The following MET variants were observed in gnomAD, a reference collection of about 807,000 sequenced individuals.
The protein encoded by MET is hepatocyte growth factor receptor.
In MET, 48 loss-of-function variants were observed where a neutral mutation model predicts 133.1. That is an observed-to-expected ratio of 0.36 (90% confidence interval 0.29 to 0.46). MET has a LOEUF of 0.46. Among genes scored for constraint, MET ranks in the 20% least tolerant of loss-of-function variants. The pLI, the probability that MET is intolerant of heterozygous loss-of-function variation, is 1.00. For synonymous variants in MET, 628 were observed against 616.5 expected, an observed-to-expected ratio of 1.02 and a Z score of -0.28; for missense variants, 1,442 against 1,695.9, an observed-to-expected ratio of 0.85 and a Z score of 2.63.
intron 18 of MET, 44 bp from the exon 19 acceptor site, chr7:116,783,260 T>G: frequency 6.2e-7 from 1 of 1,610,856 alleles, no homozygotes; most frequent in Non-Finnish European, 8.5e-7. Flanking sequence ...CATTGTAAAT[T>G]ATTCTATTTC....
intron 14 of MET, among the ~76,000 whole-genome samples, chr7:116,774,149 T>TAA (rs541167749): frequency 6.8e-6 from 1 of 147,216 alleles, no homozygotes; most frequent in Admixed American, 6.7e-5. Flanking sequence ...TCCCCTGAAA[T>TAA]AAAAAAAAAA....
chr7:116,706,721 C>T (rs1054182885), intron 2 of MET, among the ~76,000 whole-genome samples: 2 of 151,934 alleles, frequency 1.3e-5, no homozygotes, highest in Non-Finnish European at 2.9e-5. Context: ...CATGGGTTGG[C>T]ACAGACACTG....
intron 2 of MET, among the ~76,000 whole-genome samples, chr7:116,721,163 C>T (rs1291837610): frequency 6.6e-6 from 1 of 152,142 alleles, no homozygotes; most frequent in Non-Finnish European, 1.5e-5. Flanking sequence ...ACAATTTCAG[C>T]TCCTGTTATT....
intron 19 of MET, among the ~76,000 whole-genome samples, chr7:116,795,197 A>G (rs2117105105): frequency 1.3e-5 from 2 of 152,292 alleles, no homozygotes; most frequent in East Asian, 3.9e-4. Context: ...ATTTAATAGT[A>G]ACCTTTCAAT....
intron 10 of MET, among the ~76,000 whole-genome samples, chr7:116,761,968 A>G (rs1306867252): frequency 6.6e-6 from 1 of 152,214 alleles, no homozygotes; most frequent in Non-Finnish European, 1.5e-5. Flanking sequence ...TGTCAAAGAA[A>G]AGGAAATCTA....
intron 1 of MET, among the ~76,000 whole-genome samples, chr7:116,675,388 T>G (rs1227695316): frequency 1.3e-5 from 2 of 152,356 alleles, no homozygotes; most frequent in East Asian, 3.9e-4. Context: ...AGAAACGCTT[T>G]CAAAATCATC....
chr7:116,684,985 A>T (rs918488343), intron 1 of MET, among the ~76,000 whole-genome samples: 1 of 152,206 alleles, frequency 6.6e-6, no homozygotes, highest in African/African-American at 2.4e-5. Context: ...GAAGCCAATA[A>T]GGAGATGGAC....
At chr7:116,711,624 C>T (rs1792000547) in intron 2 of MET, among the ~76,000 whole-genome samples, 1 of 151,778 alleles carries the variant, frequency 6.6e-6, no homozygotes, top group Non-Finnish European at 1.5e-5. Context: ...TCATTCCAGA[C>T]AGGTTTTTTT....
chr7:116,739,859 A>G lies in MET; in HGVS notation c.1393-91A>G. The G allele has an allele frequency of 4.5e-6, 7 of 1,568,010 alleles. No homozygotes were observed. In the South Asian group the frequency reaches 7.8e-5, roughly 18 times the overall value. ...AGTTCAAACACCCACAAGCCCTGCT[A>G]ATCTGTTATTACCATTATCATCTAC... On this transcript the variant is annotated intron_variant, in intron 3 of 20. Coordinates refer to ENST00000397752, the MANE Select transcript of MET (RefSeq NM_000245.4).
intron 3 of MET, among the ~76,000 whole-genome samples, chr7:116,732,300 C>T (rs1046264946): frequency 9.9e-5 from 15 of 152,136 alleles, no homozygotes; most frequent in South Asian, 6.2e-4. Flanking sequence ...GAAGGGACAA[C>T]ATTATCATCA....
At chr7:116,785,289 C>T (rs1225064569) in intron 19 of MET, among the ~76,000 whole-genome samples, 1 of 152,198 alleles carries the variant, frequency 6.6e-6, no homozygotes, top group African/African-American at 2.4e-5. Context: ...TGGTGGCCCT[C>T]TTCTCACAGC....
intron 2 of MET, among the ~76,000 whole-genome samples, chr7:116,715,811 G>C (rs1181043895): frequency 2.0e-5 from 3 of 152,178 alleles, no homozygotes; most frequent in Non-Finnish European, 2.9e-5. Flanking sequence ...AGGTTAGCAT[G>C]GTTGTCACAG....
At chr7:116,747,794 A>G (rs1793749696) in intron 5 of MET, among the ~76,000 whole-genome samples, 1 of 152,110 alleles carries the variant, frequency 6.6e-6, no homozygotes, top group African/African-American at 2.4e-5. Flanking sequence ...CATCTACAGA[A>G]CTCTCCATTC....
At chr7:116,683,217 C>T (rs969557020) in intron 1 of MET, among the ~76,000 whole-genome samples, 1 of 152,136 alleles carries the variant, frequency 6.6e-6, no homozygotes, top group Non-Finnish European at 1.5e-5. Context: ...CCCTCCTCTG[C>T]CCCCTCAAGT....
chr7:116,790,601 T>G (rs1795456742), intron 19 of MET, among the ~76,000 whole-genome samples: 1 of 152,230 alleles, frequency 6.6e-6, no homozygotes, highest in Non-Finnish European at 1.5e-5. Flanking sequence ...TGAGATCCTT[T>G]TTTTCAATTC....
At chr7:116,724,624 G>A (rs1442356969) in intron 2 of MET, 2 of 419,244 alleles carry the variant, frequency 4.8e-6, no homozygotes, top group African/African-American at 2.0e-5. Flanking sequence ...AACATCCCAA[G>A]CAATGATTTG....
chr7:116,754,863 AAAAG>A lies in MET; in HGVS notation c.1702-482_1702-479del, dbSNP rs1489785801. Among the ~76,000 whole-genome samples, 170 of 145,814 alleles carry A rather than the reference AAAAG, an allele frequency of 1.2e-3. 1 individual carries two copies. Among genetic ancestry groups the A allele is most frequent in the African/African-American group, 4.0e-3 (157 of 39,128 alleles). ...AGGAAGAAAGGAAGGGAGGGAAAGA[AAAAG>A]AAAGAAAGAGAGAGAGAGAGAAAGA... On this transcript the variant is annotated intron_variant, in intron 5 of 20. Transcript: ENST00000397752.
chr7:116,686,111 C>T lies in MET; in HGVS notation c.-14-12960C>T, dbSNP rs140868029. Among the ~76,000 whole-genome samples the T allele has an allele frequency of 6.1e-4, 93 of 152,228 alleles. No homozygotes were observed. In the East Asian group the frequency reaches 0.012, roughly 20 times the overall value. On this transcript the variant is annotated intron_variant, in intron 1 of 20. Transcript: ENST00000397752. ...CTCTCCCATATGATCGAGGTGAATA[C>T]ATTCCAACATAATCCCCCCTTGTTC...
At chr7:116,748,105 A>T (rs1793765225) in intron 5 of MET, among the ~76,000 whole-genome samples, 1 of 152,098 alleles carries the variant, frequency 6.6e-6, no homozygotes, top group Admixed American at 6.5e-5. Context: ...TTAGCTGGGC[A>T]TGGTGGCGGG....
Sources: gnomAD v4.1 joint callset for allele counts (sites outside exome capture counted in the v4.1 genomes callset) on GRCh38, gnomAD v4.1.1 for gene constraint, MANE v1.5 for transcripts, NCBI Gene and HGNC (gene_info 2026-07-23, HGNC 2026-07-21) for gene names.